CAPS2: variants seen among roughly 807,000 people sequenced by gnomAD.
The protein encoded by CAPS2 is calcyphosine 2, also known as calcyphosin-2.
CAPS2 carries 98 observed loss-of-function variants against 86.5 expected under a neutral mutation model. The ratio of observed to expected loss-of-function variants is 1.13; its 90% CI spans 0.96 to 1.34. The LOEUF is 1.34. Ranked by LOEUF, CAPS2 falls within the 40% of genes most tolerant of loss-of-function variation. The pLI is 0.00. For synonymous variants in CAPS2, 210 were observed against 225.1 expected, an observed-to-expected ratio of 0.93 and a Z score of 0.60; for missense variants, 729 against 686.8, an observed-to-expected ratio of 1.06 and a Z score of -0.69.
chr12:75,342,353 T>C (rs531427927), intron 1 of CAPS2, among the ~76,000 whole-genome samples: 4 of 152,338 alleles, frequency 2.6e-5, no homozygotes, highest in African/African-American at 9.6e-5. Flanking sequence ...ATACTATTGT[T>C]ACAAAAAACA....
chr12:75,343,373 A>T (rs186080656), intron 1 of CAPS2, among the ~76,000 whole-genome samples: 127 of 152,136 alleles, frequency 8.3e-4, no homozygotes, highest in African/African-American at 2.9e-3. Context: ...ATAAATTAAC[A>T]TGACCTTCTG....
At chr12:75,329,432 G>C (rs766632579), upstream of CAPS2, among the ~76,000 whole-genome samples, 4 of 151,952 alleles carry the variant, frequency 2.6e-5, no homozygotes, top group Admixed American at 6.6e-5. Flanking sequence ...AATACTGTTG[G>C]CTAATGTCTT....
At chr12:75,282,384 T>G in intron 15 of CAPS2, 37 bp from the exon 16 acceptor site, 3 of 1,357,350 alleles carry the variant, frequency 2.2e-6, no homozygotes, top group Non-Finnish European at 3.2e-6. Context: ...AGTTTGTTGG[T>G]TGGTTGTTTT....
chr12:75,340,277 T>C (rs1332834724), intron 1 of CAPS2, among the ~76,000 whole-genome samples: 1 of 151,848 alleles, frequency 6.6e-6, no homozygotes, highest in Non-Finnish European at 1.5e-5. Context: ...TGTGCTAGTG[T>C]CTTTTTCAAA....
At chr12:75,312,730 T>C (rs2039359423) in intron 7 of CAPS2, 118 bp downstream of exon 7, 2 of 615,170 alleles carry the variant, frequency 3.3e-6, no homozygotes, top group South Asian at 2.2e-5. Flanking sequence ...ACAGAGAAAG[T>C]TTGGGAACCT....
Position 75,383,374 on chromosome 12 carries a change from C to T in CAPS2, c.-395+7464G>A, listed in dbSNP as rs117081315. On this transcript the variant is annotated intron_variant, in intron 1 of 5. Transcript: ENST00000551829. The stretch of plus-strand genomic sequence containing the variant: ...GCTTTACAACACTAATCAAAAGAAA[C>T]CAAGATAGCTATATTAATTTTGGCT... 5.1e-3 allele frequency among the ~76,000 whole-genome samples: 773 copies of T among 152,168 alleles called. 6 individuals are homozygous for T. The highest frequency in any genetic ancestry group is 0.014 in the Admixed American group (215 of 15,286).
intron 1 of CAPS2, among the ~76,000 whole-genome samples, chr12:75,340,147 AAT>A (rs1209602248): frequency 6.7e-6 from 1 of 149,782 alleles, no homozygotes; most frequent in African/African-American, 2.4e-5. Context: ...ATATATATAA[AAT>A]ATATATGTAT....
At chr12:75,298,665 T>C (rs370765523) in intron 11 of CAPS2, 22 bp downstream of exon 11, 17 of 1,579,696 alleles carry the variant, frequency 1.1e-5, no homozygotes, top group Non-Finnish European at 1.4e-5. Flanking sequence ...ATTAAATGTG[T>C]GCACACACAC....
intron 7 of CAPS2, among the ~76,000 whole-genome samples, chr12:75,308,237 C>A (rs967265340): frequency 6.6e-6 from 1 of 152,058 alleles, no homozygotes; most frequent in Admixed American, 6.5e-5. Context: ...TTTCCACAAC[C>A]AATTAGACTG....
chr12:75,381,815 A>G (rs1037227796), intron 1 of CAPS2, among the ~76,000 whole-genome samples: 1 of 151,862 alleles, frequency 6.6e-6, no homozygotes, highest in Non-Finnish European at 1.5e-5. Flanking sequence ...GGGTTTCACC[A>G]TGTTGGTCAG....
upstream of CAPS2, among the ~76,000 whole-genome samples, chr12:75,333,349 G>T (rs559847044): frequency 3.3e-5 from 5 of 151,984 alleles, no homozygotes; most frequent in South Asian, 1.0e-3. Flanking sequence ...TATGCCTATA[G>T]ATATCTTTAT....
chr12:75,280,640 G>A (rs977501834), intron 16 of CAPS2, among the ~76,000 whole-genome samples: 2 of 151,636 alleles, frequency 1.3e-5, no homozygotes, highest in African/African-American at 2.4e-5. Context: ...ATAATGACGT[G>A]TTTAAAGGAA....
chr12:75,376,925 G>A (rs2044680359), intron 1 of CAPS2, among the ~76,000 whole-genome samples: 1 of 152,150 alleles, frequency 6.6e-6, no homozygotes, highest in Non-Finnish European at 1.5e-5. Context: ...CTGGGAATTA[G>A]AATCCCTGAG....
At chr12:75,306,079 T>C in intron 7 of CAPS2, 2 of 1,463,686 alleles carry the variant, frequency 1.4e-6, no homozygotes, top group South Asian at 1.2e-5. Context: ...CTGCGCGTCC[T>C]GGGGCTGCGG....
upstream of CAPS2, chr12:75,334,379 C>A: frequency 1.3e-6 from 1 of 756,438 alleles, no homozygotes; most frequent in Non-Finnish European, 1.7e-6. Context: ...CGCACTTGTT[C>A]TTTACCTAAC....
At chr12:75,354,977 G>T (rs764879221) in intron 1 of CAPS2, among the ~76,000 whole-genome samples, 1 of 151,986 alleles carries the variant, frequency 6.6e-6, no homozygotes, top group Non-Finnish European at 1.5e-5. Context: ...ACAAAAATTA[G>T]CTCAAGATGG....
intron 1 of CAPS2, among the ~76,000 whole-genome samples, chr12:75,382,138 G>C (rs953244451): frequency 5.3e-5 from 8 of 151,958 alleles, no homozygotes; most frequent in African/African-American, 1.9e-4. Context: ...GATCAATCGA[G>C]TATGTAAAGA....
chr12:75,359,581 T>C (rs1021819760), intron 1 of CAPS2, among the ~76,000 whole-genome samples: 5 of 151,980 alleles, frequency 3.3e-5, no homozygotes, highest in Admixed American at 6.6e-5. Context: ...TTTTCAAAAG[T>C]TATTAAAACT....
intron 1 of CAPS2, among the ~76,000 whole-genome samples, chr12:75,366,318 A>G (rs1450724437): frequency 2.0e-5 from 3 of 152,176 alleles, no homozygotes; most frequent in Non-Finnish European, 4.4e-5. Context: ...AGAAGATTGG[A>G]TCTAAACAGT....
Sources: allele counts gnomAD v4.1 joint callset (sites outside exome capture counted in the v4.1 genomes callset), GRCh38; gene constraint gnomAD v4.1.1; transcripts MANE v1.5; gene names NCBI Gene and HGNC (gene_info 2026-07-23, HGNC 2026-07-21).